Variants in FTCDNL1 observed in about 807,000 individuals in gnomAD.
FTCDNL1 encodes the protein formiminotransferase N-terminal subdomain-containing protein.
In FTCDNL1, 11 loss-of-function variants were observed where a neutral mutation model predicts 5.9. That is an observed-to-expected ratio of 1.87 (90% confidence interval 1.18 to 3.10). The LOEUF is 3.10. FTCDNL1 is among the 30% of genes most tolerant of loss of function. The probability of loss-of-function intolerance (pLI) is 0.00; values close to 1 mark genes in which losing one functional copy is unlikely to be tolerated. For synonymous variants in FTCDNL1, 58 were observed against 24.8 expected (o/e 2.34, Z -3.99); for missense variants, 115 against 65.5 (o/e 1.76, Z -2.61).
At position 199,851,163 on chromosome 2, in the gene FTCDNL1, G is replaced by A. The variant is rs575939679; in HGVS notation, c.-431C>T. On this transcript the variant is annotated 5_prime_UTR_variant, in exon 1 of 5. Transcript: ENST00000420128. ...GCGCGCAGCCTCCGCCGCCGCGCGT[G>A]GCCCGCGCGCAGCGTCTGCCGCCGG... The A allele has an allele frequency of 2.7e-5, 4 of 148,304 alleles. No homozygotes were observed. The South Asian group carries it at 8.3e-4, about 31-fold the overall frequency. 9.2% of individuals were successfully genotyped at this position (148,304 alleles called of 1,614,324 possible).
intron 3 of FTCDNL1, among the ~76,000 whole-genome samples, chr2:199,768,661 C>T (rs554349245): frequency 6.6e-6 from 1 of 152,072 alleles, no homozygotes; most frequent in East Asian, 1.9e-4. Context: ...CCTGGTGTGC[C>T]AGGACAAGCC....
At chr2:199,795,337 G>A (rs999158457) in intron 3 of FTCDNL1, among the ~76,000 whole-genome samples, 1 of 152,170 alleles carries the variant, frequency 6.6e-6, no homozygotes, top group Non-Finnish European at 1.5e-5. Flanking sequence ...TCTTCCAGCT[G>A]AGCCTCGATA....
intron 3 of FTCDNL1, among the ~76,000 whole-genome samples, chr2:199,823,455 C>T (rs1170739734): frequency 1.3e-5 from 2 of 152,142 alleles, no homozygotes; most frequent in Non-Finnish European, 2.9e-5. Flanking sequence ...TATAGCCTTA[C>T]AAAATGTATT....
At chr2:199,670,245 T>C in the FTCDNL1 span, among the ~76,000 whole-genome samples, 1 of 152,224 alleles carries the variant, frequency 6.6e-6, no homozygotes, top group Non-Finnish European at 1.5e-5. Context: ...ATATTTAATT[T>C]TGGAATGCCA....
intron 3 of FTCDNL1, among the ~76,000 whole-genome samples, chr2:199,788,151 T>C (rs1699754039): frequency 6.6e-6 from 1 of 152,244 alleles, no homozygotes; most frequent in Non-Finnish European, 1.5e-5. Context: ...ATTTTTCTTT[T>C]ACAAAGTAGT....
chr2:199,684,560 G>A, the FTCDNL1 span, among the ~76,000 whole-genome samples: 4 of 152,194 alleles, frequency 2.6e-5, no homozygotes, highest in Non-Finnish European at 4.4e-5. Context: ...ACATACAACT[G>A]TATGGACTCA....
the FTCDNL1 span, among the ~76,000 whole-genome samples, chr2:199,666,707 G>C: frequency 6.6e-6 from 1 of 151,988 alleles, no homozygotes; most frequent in Non-Finnish European, 1.5e-5. Context: ...ACAAGGTCAG[G>C]AGTTCGAGAC....
chr2:199,744,014 T>C, the FTCDNL1 span, among the ~76,000 whole-genome samples: 1 of 152,210 alleles, frequency 6.6e-6, no homozygotes, highest in African/African-American at 2.4e-5. Flanking sequence ...GCTTTATATG[T>C]TTCTTGTATC....
At chr2:199,837,493 G>A (rs990386709) in intron 3 of FTCDNL1, among the ~76,000 whole-genome samples, 2 of 152,128 alleles carry the variant, frequency 1.3e-5, no homozygotes, top group African/African-American at 4.8e-5. Flanking sequence ...AATCTCCATA[G>A]CAACTGGAGA....
At chr2:199,796,252 C>T (rs899479445) in intron 3 of FTCDNL1, among the ~76,000 whole-genome samples, 3 of 151,980 alleles carry the variant, frequency 2.0e-5, no homozygotes, top group Non-Finnish European at 2.9e-5. Context: ...ATGAATAATG[C>T]CAGAATAGTT....
At chr2:199,738,860 G>A in the FTCDNL1 span, among the ~76,000 whole-genome samples, 1 of 152,140 alleles carries the variant, frequency 6.6e-6, no homozygotes, top group Non-Finnish European at 1.5e-5. Context: ...TATAGCTTAA[G>A]ACCCACTTAA....
chr2:199,808,690 C>A (rs1243309256), downstream of FTCDNL1, among the ~76,000 whole-genome samples: 1 of 152,204 alleles, frequency 6.6e-6, no homozygotes, highest in African/African-American at 2.4e-5. Context: ...GCACCATGTG[C>A]TTTTATCCCC....
At position 199,812,534 on chromosome 2, in the gene FTCDNL1, A is replaced by G; in HGVS notation, c.*171T>C. The G allele has an allele frequency of 2.2e-6, 1 of 459,032 alleles. No individual in the cohort carries two copies. Among genetic ancestry groups the G allele is most frequent in the South Asian group, 5.1e-5 (1 of 19,732 alleles). 28.4% of individuals were successfully genotyped at this position (459,032 alleles called of 1,614,324 possible). On this transcript the variant is annotated 3_prime_UTR_variant, in exon 5 of 5. Coordinates refer to ENST00000420128, the MANE Select transcript of FTCDNL1 (RefSeq NM_001363886.2). ...TTTCTAGTTAAATGTCATATAATTAAAGTAATTCCACTTTTTGCTCTAAAA... is the reference window on the plus strand; with the variant it reads ...TTTCTAGTTAAATGTCATATAATTAGAGTAATTCCACTTTTTGCTCTAAAA...
At chr2:199,687,687 T>TA in the FTCDNL1 span, among the ~76,000 whole-genome samples, 10,232 of 152,138 alleles carry the variant, frequency 0.067, 754 homozygotes, top group East Asian at 0.26. Flanking sequence ...TCTGAGTGAT[T>TA]AAAAAAACAC....
the FTCDNL1 span, among the ~76,000 whole-genome samples, chr2:199,670,076 A>G: frequency 6.6e-6 from 1 of 152,202 alleles, no homozygotes; most frequent in Admixed American, 6.5e-5. Context: ...CTGCAAGCAT[A>G]ATCCTTACAT....
intron 3 of FTCDNL1, among the ~76,000 whole-genome samples, chr2:199,774,044 T>C (rs759467937): frequency 6.6e-6 from 1 of 152,186 alleles, no homozygotes; most frequent in Non-Finnish European, 1.5e-5. Context: ...GCTGGGAGTA[T>C]TTGCAATGTT....
the FTCDNL1 span, among the ~76,000 whole-genome samples, chr2:199,753,291 A>G: frequency 6.6e-6 from 1 of 152,232 alleles, no homozygotes; most frequent in South Asian, 2.1e-4. Context: ...GCTGCAGGAG[A>G]GCATTTCAGG....
At chr2:199,825,137 C>CAA (rs564018681) in intron 3 of FTCDNL1, among the ~76,000 whole-genome samples, 17 of 84,542 alleles carry the variant, frequency 2.0e-4, no homozygotes, top group Admixed American at 8.8e-4. Flanking sequence ...GACCCTGTCT[C>CAA]AAAAAAAAAA....
chr2:199,681,004 A>G, the FTCDNL1 span, among the ~76,000 whole-genome samples: 8 of 152,214 alleles, frequency 5.3e-5, no homozygotes. Flanking sequence ...GAGAAGTGGA[A>G]GAAAAGTGGG....
Sources: allele counts gnomAD v4.1 joint callset (sites outside exome capture counted in the v4.1 genomes callset), GRCh38; gene constraint gnomAD v4.1.1; transcripts MANE v1.5; gene names NCBI Gene and HGNC (gene_info 2026-07-23, HGNC 2026-07-21).